The following FLNB variants were observed in gnomAD, a reference collection of about 807,000 sequenced individuals.
FLNB encodes the protein filamin B, also known as filamin-B.
A neutral mutation model predicts 250.6 loss-of-function variants in FLNB; 111 were observed. The ratio of observed to expected loss-of-function variants is 0.44; its 90% CI spans 0.38 to 0.52. FLNB has a LOEUF of 0.52. Ranked by LOEUF, FLNB falls within the 20% of genes least tolerant of loss-of-function variation. The pLI is 0.00. For missense variants in FLNB, 2,869 were observed against 3,447.8 expected, an observed-to-expected ratio of 0.83 and a Z score of 4.20; for synonymous variants, 1,302 against 1,372.1, an observed-to-expected ratio of 0.95 and a Z score of 1.13.
intron 24 of FLNB, 78 bp downstream of exon 24, chr3:58,126,840 G>A (rs2097298800): frequency 7.6e-7 from 1 of 1,312,290 alleles, no homozygotes; most frequent in Non-Finnish European, 1.1e-6. Context: ...TTATCTCTCT[G>A]AGTGGGGAAA....
intron 4 of FLNB, among the ~76,000 whole-genome samples, chr3:58,085,946 G>A (rs968272323): frequency 7.2e-5 from 11 of 152,132 alleles, no homozygotes; most frequent in Admixed American, 2.0e-4. Flanking sequence ...GGAGTCACAC[G>A]AAGTGGAACT....
At chr3:58,080,542 T>A (rs2097207677) in intron 3 of FLNB, among the ~76,000 whole-genome samples, 1 of 150,240 alleles carries the variant, frequency 6.7e-6, no homozygotes, top group Non-Finnish European at 1.5e-5. Context: ...TCACATAGGC[T>A]GGAGTGCAGT....
At chr3:58,068,121 A>C (rs2097188626) in intron 1 of FLNB, among the ~76,000 whole-genome samples, 1 of 152,136 alleles carries the variant, frequency 6.6e-6, no homozygotes, top group African/African-American at 2.4e-5. Flanking sequence ...GCCGTGGCTC[A>C]TTTCATATCA....
chr3:58,097,948 A>G lies in FLNB; in HGVS notation c.1118A>G (p.Lys373Arg). 1 of 1,614,094 alleles carries G rather than the reference A, an allele frequency of 6.2e-7. No individual in the cohort carries two copies. ...GAAGCTGTAGGGAACATCGCCAATA[A>G]GCCCACCTACTTTGACATCTATACG... ...GLEAVGNIAN[K>R]PTYFDIYTAG... Residue 373 changes from lysine to arginine, a missense_variant, in exon 7 of 46, where the codon AAG becomes AGG. Physicochemically the swap from Lys to Arg is conservative, Grantham distance 26 (BLOSUM62 2). This residue lies in a region of FLNB where 1,348 missense variants were observed against 1,466.7 expected (regional missense o/e 0.92). Coordinates refer to ENST00000295956, the MANE Select transcript of FLNB (RefSeq NM_001457.4).
intron 8 of FLNB, among the ~76,000 whole-genome samples, chr3:58,101,230 A>T (rs1246778625): frequency 6.6e-6 from 1 of 152,128 alleles, no homozygotes; most frequent in East Asian, 1.9e-4. Context: ...AGGAGGAATT[A>T]CCTTCCGTCT....
intron 16 of FLNB, 126 bp downstream of exon 16, chr3:58,110,296 T>A: frequency 1.0e-6 from 1 of 981,960 alleles, no homozygotes; most frequent in Non-Finnish European, 1.6e-6. Context: ...GGAGTCTCAC[T>A]CTTTCACCCA....
intron 38 of FLNB, chr3:58,152,703 C>T (rs1426623516): frequency 2.3e-6 from 3 of 1,297,960 alleles, no homozygotes; most frequent in African/African-American, 3.0e-5. Context: ...CTTTTCTGTC[C>T]TCAGGGGTCA....
intron 9 of FLNB, among the ~76,000 whole-genome samples, chr3:58,103,000 G>C (rs141013683): frequency 6.6e-6 from 1 of 152,120 alleles, no homozygotes; most frequent in Admixed American, 6.5e-5. Flanking sequence ...TTCTAGTCTC[G>C]GGTGTAGCAG....
chr3:58,112,396 A>G, intron 18 of FLNB, 78 bp downstream of exon 18: 3 of 1,444,854 alleles, frequency 2.1e-6, no homozygotes, highest in African/African-American at 1.4e-5. Context: ...GTCACTGTGG[A>G]CACCAAGGGG....
chr3:58,163,004 TC>T (rs1321500293), intron 42 of FLNB, 149 bp from the exon 43 acceptor site: 21 of 768,576 alleles, frequency 2.7e-5, no homozygotes, highest in Admixed American at 2.4e-4. Context: ...TCTGTCTGGT[TC>T]TGAAATCCAG....
In FLNB at chr3:58,084,078, G is replaced by A. The variant is rs1323365642; in HGVS notation, c.787+2302G>A. ...GTGGTGGTACAAGCCTGTAGTCCCAGCTACTCGGGAGGCTGAGGCAGGAGA... is the reference window on the plus strand; with the variant it reads ...GTGGTGGTACAAGCCTGTAGTCCCAACTACTCGGGAGGCTGAGGCAGGAGA... On this transcript the variant is annotated intron_variant, in intron 4 of 45. Transcript: ENST00000295956. Among the ~76,000 whole-genome samples the A allele has an allele frequency of 2.5e-4, 38 of 151,818 alleles. 1 individual carries two copies. The highest frequency in any genetic ancestry group is 8.8e-5 in the Non-Finnish European group (6 of 67,988).
intron 11 of FLNB, 59 bp from the exon 12 acceptor site, chr3:58,106,621 C>T (rs2097260230): frequency 1.3e-6 from 2 of 1,521,022 alleles, no homozygotes; most frequent in East Asian, 2.3e-5. Flanking sequence ...GCTGTCGTAA[C>T]ATAGAATAGG....
In FLNB at chr3:58,121,395, C is replaced by A. The variant is rs772654034; in HGVS notation, c.3018C>A (p.Phe1006Leu). 1.2e-6 allele frequency: 2 copies of A among 1,614,164 alleles called. No individual in the cohort carries two copies. Among genetic ancestry groups the A allele is most frequent in the Admixed American group, 3.3e-5 (2 of 60,028 alleles). The change falls in exon 20 of 46, where the codon TTC becomes TTA. Residue 1006 changes from phenylalanine to leucine, a missense_variant. Around this residue, in one of 5 missense-constraint regions of FLNB, gnomAD observed 1,348 missense variants for 1,466.7 expected, o/e 0.92. Transcript: ENST00000295956. ...GCCGGGAGAACAGCACGGCCAAGTT[C>A]ATCCCTCGGGAGGAGGGGCTGTATG... Reference protein sequence around the residue: ...VTGRENSTAKFIPREEGLYAV... With the variant: ...VTGRENSTAKLIPREEGLYAV...
chr3:58,144,025 C>T (rs2097331696), intron 32 of FLNB, among the ~76,000 whole-genome samples: 1 of 152,158 alleles, frequency 6.6e-6, no homozygotes. Context: ...ACCAGCAGCC[C>T]TCTACAAGGG....
chr3:58,152,147 T>C (rs2097346154), intron 38 of FLNB, among the ~76,000 whole-genome samples: 1 of 152,214 alleles, frequency 6.6e-6, no homozygotes, highest in Non-Finnish European at 1.5e-5. Context: ...CATTTTGTTA[T>C]TCTTTTAGTT....
chr3:58,156,228 G>T (rs2097353189), intron 41 of FLNB, among the ~76,000 whole-genome samples, 153 bp downstream of exon 41: 1 of 152,172 alleles, frequency 6.6e-6, no homozygotes, highest in East Asian at 1.9e-4. Flanking sequence ...CTTTCCTGTG[G>T]CAGAGTCAAC....
At chr3:58,097,292 G>A (rs561716682) in intron 6 of FLNB, among the ~76,000 whole-genome samples, 2 of 152,252 alleles carry the variant, frequency 1.3e-5, no homozygotes, top group South Asian at 4.1e-4. Context: ...ATTAATTCCA[G>A]TCAAGTATAG....
intron 1 of FLNB, among the ~76,000 whole-genome samples, chr3:58,041,231 G>T (rs181588910): frequency 6.6e-6 from 1 of 152,162 alleles, no homozygotes; most frequent in South Asian, 2.1e-4. Flanking sequence ...TTTGCTTTCA[G>T]TATCACTTTA....
At chr3:58,013,213 T>C (rs1185380000) in intron 1 of FLNB, among the ~76,000 whole-genome samples, 1 of 152,122 alleles carries the variant, frequency 6.6e-6, no homozygotes, top group Admixed American at 6.5e-5. Flanking sequence ...GCCTAGAAGT[T>C]TGGGTGGTGT....
Sources: allele counts gnomAD v4.1 joint callset (sites outside exome capture counted in the v4.1 genomes callset), GRCh38; gene constraint gnomAD v4.1.1; regional missense constraint gnomAD v4.1.1; transcripts MANE v1.5; gene names NCBI Gene and HGNC (gene_info 2026-07-23, HGNC 2026-07-21).